The following SHISA6 variants were observed in gnomAD, a reference collection of about 807,000 sequenced individuals.
SHISA6 encodes shisa family member 6.
SHISA6 carries 22 observed loss-of-function variants against 47.9 expected under a neutral mutation model. The ratio of observed to expected loss-of-function variants is 0.46; its 90% CI spans 0.33 to 0.66. The LOEUF (loss-of-function observed/expected upper bound fraction) is 0.66, where lower values mean the gene tolerates loss of function less well. SHISA6 is among the 30% of genes least tolerant of loss of function. The pLI is 0.02. For missense variants in SHISA6, 680 were observed against 764.6 expected, an observed-to-expected ratio of 0.89 and a Z score of 1.30; for synonymous variants, 388 against 337.8, an observed-to-expected ratio of 1.15 and a Z score of -1.63.
At chr17:11,274,480 G>A (rs1253107550) in intron 2 of SHISA6, among the ~76,000 whole-genome samples, 1 of 152,230 alleles carries the variant, frequency 6.6e-6, no homozygotes, top group Non-Finnish European at 1.5e-5. Flanking sequence ...AAGTGAGGGA[G>A]AGCAGCCATA....
At chr17:11,294,257 C>T (rs1309794743) in intron 2 of SHISA6, among the ~76,000 whole-genome samples, 2 of 152,128 alleles carry the variant, frequency 1.3e-5, no homozygotes, top group African/African-American at 2.4e-5. Flanking sequence ...TCAGAGATAC[C>T]CAAAGGCTCC....
At chr17:11,476,926 A>G (rs1916065065) in intron 3 of SHISA6, among the ~76,000 whole-genome samples, 1 of 152,168 alleles carries the variant, frequency 6.6e-6, no homozygotes, top group African/African-American at 2.4e-5. Flanking sequence ...TTTGCCTCAC[A>G]AAGTTTGGCC....
chr17:11,457,941 C>T (rs892182705), intron 3 of SHISA6, among the ~76,000 whole-genome samples: 2 of 150,844 alleles, frequency 1.3e-5, no homozygotes, highest in African/African-American at 4.9e-5. Context: ...AAAAATTAGC[C>T]GGGCTTAGTG....
rs146649922 is a variant in SHISA6, at chr17:11,425,336, A to G, written c.895+45827A>G. ...GGTGACAAAGAGAACTGGATGGCCA[A>G]TCTAGATCATGCTCCCCTCTACCAC... On this transcript the variant is annotated intron_variant, in intron 3 of 5. Transcript: ENST00000441885. Among the ~76,000 whole-genome samples, 837 of 152,088 alleles carry G rather than the reference A, an allele frequency of 5.5e-3. 11 individuals are homozygous for G. The highest frequency in any genetic ancestry group is 0.019 in the African/African-American group (779 of 41,508).
chr17:11,535,337 A>C (rs1449765665), intron 3 of SHISA6, among the ~76,000 whole-genome samples: 1 of 152,140 alleles, frequency 6.6e-6, no homozygotes, highest in East Asian at 1.9e-4. Context: ...CTTCCCCAGC[A>C]GTGTGGCTGG....
intron 2 of SHISA6, among the ~76,000 whole-genome samples, chr17:11,369,570 CAA>C (rs1475575826): frequency 6.6e-6 from 1 of 152,216 alleles, no homozygotes; most frequent in Non-Finnish European, 1.5e-5. Context: ...TGCAGGGTGA[CAA>C]GAGGAAACTG....
At chr17:11,475,915 G>A (rs1402208730) in intron 3 of SHISA6, among the ~76,000 whole-genome samples, 9 of 151,896 alleles carry the variant, frequency 5.9e-5, no homozygotes, top group Non-Finnish European at 1.3e-4. Flanking sequence ...ATTTGGGTCT[G>A]GTGACTTCAG....
intron 3 of SHISA6, among the ~76,000 whole-genome samples, chr17:11,528,957 C>T (rs2071710135): frequency 6.6e-6 from 1 of 152,138 alleles, no homozygotes. Context: ...CTTTGGGAAG[C>T]CGAGGCAGGC....
intron 3 of SHISA6, among the ~76,000 whole-genome samples, chr17:11,495,148 C>T (rs921642232): frequency 2.0e-5 from 3 of 152,154 alleles, no homozygotes; most frequent in African/African-American, 2.4e-5. Flanking sequence ...ACCCAAACCT[C>T]GGGGTGAAAG....
chr17:11,245,266 G>C (rs139444269), intron 1 of SHISA6, among the ~76,000 whole-genome samples: 5 of 152,304 alleles, frequency 3.3e-5, no homozygotes, highest in African/African-American at 1.2e-4. Context: ...AGAGCCCCAG[G>C]GCAGCCGTGC....
chr17:11,549,686 C>T (rs1239091474), intron 3 of SHISA6, among the ~76,000 whole-genome samples: 1 of 152,158 alleles, frequency 6.6e-6, no homozygotes, highest in Non-Finnish European at 1.5e-5. Context: ...AGATGGAAGT[C>T]TAGAAGTGTT....
chr17:11,277,280 T>TCTCTCACACACACACACACA (rs1386997909), intron 2 of SHISA6, among the ~76,000 whole-genome samples: 22 of 53,916 alleles, frequency 4.1e-4, no homozygotes, highest in Admixed American at 1.1e-3. Flanking sequence ...TCTCTCTCTC[T>TCTCTCACACACACACACACA]CACACACACA....
intron 2 of SHISA6, among the ~76,000 whole-genome samples, chr17:11,281,847 A>G (rs184434510): frequency 5.0e-4 from 76 of 152,352 alleles, no homozygotes; most frequent in African/African-American, 1.8e-3. Flanking sequence ...ACAACCAAGC[A>G]TGACTAAAAA....
chr17:11,395,062 C>T lies in SHISA6; in HGVS notation c.895+15553C>T, dbSNP rs374240502. 8.4e-5 allele frequency among the ~76,000 whole-genome samples: 11 copies of T among 130,508 alleles called. No homozygotes were observed. In the East Asian group the frequency reaches 1.4e-3, roughly 16 times the overall value. 85.6% of individuals were successfully genotyped at this position (130,508 alleles called of 152,430 possible). On this transcript the variant is annotated intron_variant, in intron 3 of 5. Transcript: ENST00000441885. ...TGTTGCCCAGGCTGGAGTGCAGTGG[C>T]GCGATCTCGGCTCACTGCAAGCTCT...
intron 2 of SHISA6, among the ~76,000 whole-genome samples, chr17:11,348,009 A>G (rs958769958): frequency 1.3e-5 from 2 of 152,240 alleles, no homozygotes; most frequent in Non-Finnish European, 2.9e-5. Flanking sequence ...GCCAGAGTTA[A>G]TTGGTCATCC....
At chr17:11,245,111 A>C (rs754489335) in intron 1 of SHISA6, among the ~76,000 whole-genome samples, 1 of 152,190 alleles carries the variant, frequency 6.6e-6, no homozygotes, top group Non-Finnish European at 1.5e-5. Context: ...TCTGAGTGAG[A>C]AATCAGTGTC....
chr17:11,445,869 C>T (rs1915215221), intron 3 of SHISA6, among the ~76,000 whole-genome samples: 1 of 152,180 alleles, frequency 6.6e-6, no homozygotes, highest in South Asian at 2.1e-4. Context: ...CTTCTGTCGC[C>T]CAGGCTGGAG....
intron 3 of SHISA6, among the ~76,000 whole-genome samples, chr17:11,518,557 G>A (rs539213435): frequency 1.3e-5 from 2 of 152,134 alleles, no homozygotes; most frequent in East Asian, 3.9e-4. Context: ...CCAAATCTCA[G>A]ATTGGGGTTT....
At chr17:11,523,456 G>C (rs755257274) in intron 3 of SHISA6, among the ~76,000 whole-genome samples, 2 of 152,196 alleles carry the variant, frequency 1.3e-5, no homozygotes, top group Non-Finnish European at 2.9e-5. Context: ...AGATATGCCT[G>C]AGAGAGGAGA....
Sources: gnomAD v4.1 joint callset for allele counts (sites outside exome capture counted in the v4.1 genomes callset) on GRCh38, gnomAD v4.1.1 for gene constraint, MANE v1.5 for transcripts, NCBI Gene and HGNC (gene_info 2026-07-23, HGNC 2026-07-21) for gene names.